Variants in LIPA observed in about 807,000 individuals in gnomAD.
The protein encoded by LIPA is lysosomal acid lipase/cholesteryl ester hydrolase.
Under a neutral mutation model 40.6 loss-of-function variants are expected in LIPA, and 26 were observed. The ratio of observed to expected loss-of-function variants is 0.64; its 90% CI spans 0.47 to 0.89. The LOEUF (loss-of-function observed/expected upper bound fraction) is 0.89, where lower values mean the gene tolerates loss of function less well. Among genes scored for constraint, LIPA ranks in the 40% least tolerant of loss-of-function variants. The pLI is 0.00. For missense variants in LIPA, 455 were observed against 479.6 expected (o/e 0.95, Z 0.48); for synonymous variants, 188 against 168.4 (o/e 1.12, Z -0.90).
intron 1 of LIPA, among the ~76,000 whole-genome samples, chr10:89,311,918 A>G (rs546972186): frequency 6.6e-6 from 1 of 152,318 alleles, no homozygotes; most frequent in East Asian, 1.9e-4. Flanking sequence ...AAAATATTCA[A>G]GTGTGGAATC....
intron 1 of LIPA, among the ~76,000 whole-genome samples, chr10:89,329,385 T>G (rs1328919632): frequency 6.6e-6 from 1 of 152,176 alleles, no homozygotes; most frequent in Non-Finnish European, 1.5e-5. Flanking sequence ...GCAAGGCGTC[T>G]TAGTAGCCAG....
At chr10:89,339,752 A>C (rs751456333) in intron 1 of LIPA, 3 of 1,614,202 alleles carry the variant, frequency 1.9e-6, no homozygotes, top group Non-Finnish European at 2.5e-6. Flanking sequence ...CGCTACTGCA[A>C]CCTTCAGAAA....
At chr10:89,398,337 A>G (rs556352805) in intron 2 of LIPA, among the ~76,000 whole-genome samples, 1 of 152,366 alleles carries the variant, frequency 6.6e-6, no homozygotes, top group East Asian at 1.9e-4. Flanking sequence ...CTGAAAGGGG[A>G]ACAATAAATG....
intron 3 of LIPA, among the ~76,000 whole-genome samples, chr10:89,235,025 G>A (rs1179206238): frequency 6.6e-6 from 1 of 152,250 alleles, no homozygotes; most frequent in Non-Finnish European, 1.5e-5. Context: ...CTTTGCTAGG[G>A]AAAGAAGGTT....
intron 2 of LIPA, among the ~76,000 whole-genome samples, chr10:89,354,101 T>TATATATA: frequency 6.6e-6 from 1 of 152,192 alleles, no homozygotes; most frequent in Non-Finnish European, 1.5e-5. Flanking sequence ...GAGGCAAGAA[T>TATATATA]TAAGGTTGCT....
At chr10:89,301,969 A>C (rs919409160) in intron 1 of LIPA, 13 of 603,100 alleles carry the variant, frequency 2.2e-5, no homozygotes, top group Admixed American at 6.6e-5. Context: ...TCCCTTTTGT[A>C]ACGTCAGCTG....
chr10:89,302,145 C>G, intron 1 of LIPA: 1 of 1,613,700 alleles, frequency 6.2e-7, no homozygotes, highest in South Asian at 1.1e-5. Context: ...ATTTTCCCTT[C>G]GTATTCGGTA....
At chr10:89,216,110 A>C (rs1842623110) in intron 8 of LIPA, 101 bp from the exon 9 acceptor site, 19 of 789,350 alleles carry the variant, frequency 2.4e-5, no homozygotes, top group Middle Eastern at 2.4e-4. Flanking sequence ...TCAACTTTAT[A>C]CCAATATCCA....
At chr10:89,311,709 AG>A (rs1460649692) in intron 1 of LIPA, among the ~76,000 whole-genome samples, 2 of 152,200 alleles carry the variant, frequency 1.3e-5, no homozygotes, top group Non-Finnish European at 2.9e-5. Context: ...ATAATGATTA[AG>A]GCTTTTAGGT....
chr10:89,368,575 G>C (rs1049253414), intron 2 of LIPA, among the ~76,000 whole-genome samples: 1 of 151,946 alleles, frequency 6.6e-6, no homozygotes, highest in Non-Finnish European at 1.5e-5. Context: ...GTCTTAAGTG[G>C]GTTATAGAAA....
chr10:89,414,552 C>T, exon 1 of LIPA: 1 of 451,488 alleles, frequency 2.2e-6, no homozygotes, highest in Non-Finnish European at 3.9e-6. Flanking sequence ...CGTTTAGTTT[C>T]GATTTCTTAA....
intron 1 of LIPA, among the ~76,000 whole-genome samples, chr10:89,323,696 A>T (rs1045656587): frequency 2.6e-5 from 4 of 152,176 alleles, no homozygotes; most frequent in Admixed American, 6.5e-5. Flanking sequence ...TAGCCACAAA[A>T]AGAATAAAAT....
At chr10:89,290,268 C>G (rs1273713504) in intron 1 of LIPA, among the ~76,000 whole-genome samples, 1 of 152,070 alleles carries the variant, frequency 6.6e-6, no homozygotes, top group Non-Finnish European at 1.5e-5. Flanking sequence ...TCAATTCATC[C>G]AAAACCGTAT....
chr10:89,225,966 A>T (rs1420565833), intron 5 of LIPA, among the ~76,000 whole-genome samples: 1 of 152,198 alleles, frequency 6.6e-6, no homozygotes, highest in East Asian at 1.9e-4. Context: ...CCTAGCTCAC[A>T]ATCCATTAAA....
intron 2 of LIPA, chr10:89,403,325 T>C: frequency 2.5e-6 from 4 of 1,613,564 alleles, no homozygotes; most frequent in South Asian, 2.2e-5. Flanking sequence ...CAAGAATGTA[T>C]ATAGAAGCAG....
chr10:89,393,864 C>T (rs1251707437), intron 2 of LIPA, among the ~76,000 whole-genome samples: 1 of 152,132 alleles, frequency 6.6e-6, no homozygotes, highest in African/African-American at 2.4e-5. Context: ...GATGAACCCT[C>T]CTCTGTAAAC....
At chr10:89,298,321 G>A (rs753458308) in intron 1 of LIPA, among the ~76,000 whole-genome samples, 25 of 152,182 alleles carry the variant, frequency 1.6e-4, no homozygotes, top group Non-Finnish European at 2.9e-4. Flanking sequence ...CTGAAGACTG[G>A]CCCACATGGC....
intron 1 of LIPA, chr10:89,338,375 C>T (rs1420295542): frequency 2.2e-5 from 7 of 316,710 alleles, no homozygotes; most frequent in South Asian, 5.4e-5. Context: ...CTCAAGCAGT[C>T]GGTCAGAGGG....
chr10:89,331,729 C>T (rs6586182), intron 1 of LIPA, among the ~76,000 whole-genome samples: 37,639 of 151,394 alleles, frequency 0.25, 4,968 homozygotes, highest in African/African-American at 0.32. Flanking sequence ...CGTGGTGGCA[C>T]GTGCCTATAG....
Sources: allele counts gnomAD v4.1 joint callset (sites outside exome capture counted in the v4.1 genomes callset), GRCh38; gene constraint gnomAD v4.1.1; transcripts MANE v1.5; gene names NCBI Gene and HGNC (gene_info 2026-07-23, HGNC 2026-07-21).